Variants in SEMA3A observed in about 807,000 individuals in gnomAD.
SEMA3A encodes semaphorin-3A.
In SEMA3A, 29 loss-of-function variants were observed where a neutral mutation model predicts 97.9. That is an observed-to-expected ratio of 0.30 (90% CI 0.22 to 0.40). The LOEUF (loss-of-function observed/expected upper bound fraction) is 0.40, where lower values mean the gene tolerates loss of function less well. Ranked by LOEUF, SEMA3A falls within the 10% of genes least tolerant of loss-of-function variation. SEMA3A has a pLI of 1.00. For missense variants in SEMA3A, 763 were observed against 951.3 expected, an observed-to-expected ratio of 0.80 and a Z score of 2.60; for synonymous variants, 321 against 323.7, an observed-to-expected ratio of 0.99 and a Z score of 0.09.
chr7:84,429,439 T>C (rs902823985), intron 1 of SEMA3A, among the ~76,000 whole-genome samples: 1 of 145,008 alleles, frequency 6.9e-6, no homozygotes, highest in African/African-American at 2.6e-5. Flanking sequence ...TATATCAAAT[T>C]AACACAAAAA....
intron 3 of SEMA3A, among the ~76,000 whole-genome samples, chr7:84,304,970 A>G: frequency 6.6e-6 from 1 of 152,132 alleles, no homozygotes; most frequent in Admixed American, 6.6e-5. Context: ...GCATTTGTAT[A>G]TATTTAATCT....
At chr7:84,205,269 A>T (rs79015058) in intron 3 of SEMA3A, among the ~76,000 whole-genome samples, 2 of 152,178 alleles carry the variant, frequency 1.3e-5, no homozygotes, top group African/African-American at 4.8e-5. Context: ...TAACTACTCA[A>T]CAAGTTTTGT....
At chr7:84,474,269 C>G (rs1442133238) in intron 1 of SEMA3A, among the ~76,000 whole-genome samples, 3 of 152,152 alleles carry the variant, frequency 2.0e-5, no homozygotes, top group Non-Finnish European at 4.4e-5. Flanking sequence ...ATAGAAACTT[C>G]ACCTAGGACA....
intron 1 of SEMA3A, among the ~76,000 whole-genome samples, chr7:84,456,258 A>G (rs1395734826): frequency 6.6e-6 from 1 of 151,904 alleles, no homozygotes; most frequent in Non-Finnish European, 1.5e-5. Flanking sequence ...AACATATAGG[A>G]TGCTTCAAAT....
At chr7:84,189,406 G>A (rs1347119215) in intron 1 of SEMA3A, among the ~76,000 whole-genome samples, 4 of 151,696 alleles carry the variant, frequency 2.6e-5, no homozygotes, top group African/African-American at 9.7e-5. Context: ...GGAAGATTTT[G>A]TAAAAATCAG....
rs147789437 is a variant in SEMA3A at position 84,353,344 on chromosome 7, G to A, written c.-169+18480C>T. Reference sequence around the variant, plus strand: ...TATATATTCATACATACATAAATATGTATACCCATACACACACATCTTCCT... The same window carrying A: ...TATATATTCATACATACATAAATATATATACCCATACACACACATCTTCCT... On this transcript the variant is annotated intron_variant, in intron 2 of 3. Coordinates refer to the SEMA3A transcript ENST00000424555. Among the ~76,000 whole-genome samples the A allele has an allele frequency of 3.6e-3, 546 of 151,626 alleles. 6 individuals are homozygous for A. The highest frequency in any genetic ancestry group is 0.012 in the South Asian group (57 of 4,810).
intron 3 of SEMA3A, among the ~76,000 whole-genome samples, chr7:84,259,242 C>A (rs1442052252): frequency 2.0e-5 from 3 of 152,128 alleles, no homozygotes; most frequent in Non-Finnish European, 4.4e-5. Context: ...TACTATTTTT[C>A]AATTAATTCT....
At position 84,156,644 on chromosome 7, in the gene SEMA3A, C is replaced by T. The variant is rs144280331; in HGVS notation, c.113-21693G>A. Among the ~76,000 whole-genome samples, 233 of 152,154 alleles carry T rather than the reference C, an allele frequency of 1.5e-3. 2 individuals carry two copies. Among genetic ancestry groups the T allele is most frequent in the African/African-American group, 5.2e-3 (217 of 41,474 alleles). On this transcript the variant is annotated intron_variant, in intron 1 of 16. Transcript: ENST00000265362. ...TGGGAAAGTTTGTATGCATGCGAGT[C>T]TGTATACAGTGAAGATACACATGTC...
intron 2 of SEMA3A, among the ~76,000 whole-genome samples, chr7:84,342,263 G>A (rs549072552): frequency 1.6e-4 from 25 of 152,188 alleles, no homozygotes; most frequent in African/African-American, 5.8e-4. Flanking sequence ...TCGAACTCCC[G>A]AGCTCAGGTG....
chr7:84,159,393 T>A (rs1266627304), intron 1 of SEMA3A, among the ~76,000 whole-genome samples: 1 of 152,218 alleles, frequency 6.6e-6, no homozygotes, highest in Non-Finnish European at 1.5e-5. Context: ...TTTCCGTACC[T>A]TTTTATTTTT....
At chr7:84,452,013 TTTAA>T (rs931280828) in intron 1 of SEMA3A, among the ~76,000 whole-genome samples, 3 of 152,164 alleles carry the variant, frequency 2.0e-5, no homozygotes, top group East Asian at 1.9e-4. Flanking sequence ...GTAGCAAATA[TTTAA>T]TTGTTTGTTT....
chr7:84,092,065 T>A (rs1794620360), intron 4 of SEMA3A, among the ~76,000 whole-genome samples: 2 of 152,186 alleles, frequency 1.3e-5, no homozygotes, highest in Non-Finnish European at 2.9e-5. Context: ...AATGAATTAA[T>A]GTTATACATG....
chr7:84,164,685 T>C (rs1797145951), intron 1 of SEMA3A, among the ~76,000 whole-genome samples: 1 of 152,184 alleles, frequency 6.6e-6, no homozygotes, highest in Non-Finnish European at 1.5e-5. Flanking sequence ...ATAAATTGCA[T>C]GTAGTAAATC....
chr7:84,256,555 G>A (rs1367779536), intron 3 of SEMA3A, among the ~76,000 whole-genome samples: 8 of 152,018 alleles, frequency 5.3e-5, no homozygotes, highest in Non-Finnish European at 1.5e-5. Flanking sequence ...AAAATGATGT[G>A]ATATACTGAG....
At chr7:84,401,846 A>AT (rs1190258535) in intron 1 of SEMA3A, among the ~76,000 whole-genome samples, 1 of 152,232 alleles carries the variant, frequency 6.6e-6, no homozygotes, top group Non-Finnish European at 1.5e-5. Flanking sequence ...CTGTCATCAT[A>AT]TAAAAAATCA....
chr7:84,070,209 T>C (rs2115749105), intron 4 of SEMA3A, among the ~76,000 whole-genome samples: 1 of 152,302 alleles, frequency 6.6e-6, no homozygotes, highest in East Asian at 1.9e-4. Flanking sequence ...GAGCATATCA[T>C]ATAAGTTATT....
intron 3 of SEMA3A, among the ~76,000 whole-genome samples, chr7:84,223,968 G>A (rs1348721061): frequency 6.6e-6 from 1 of 151,832 alleles, no homozygotes; most frequent in African/African-American, 2.4e-5. Context: ...GGAAATAAAA[G>A]TGCATGGCCA....
intron 2 of SEMA3A, among the ~76,000 whole-genome samples, chr7:84,317,274 A>G (rs933913367): frequency 2.6e-5 from 4 of 152,176 alleles, no homozygotes; most frequent in African/African-American, 9.6e-5. Context: ...TTTCTCCTAC[A>G]TTTTATTTTC....
At chr7:84,356,184 T>C (rs17158924) in intron 2 of SEMA3A, among the ~76,000 whole-genome samples, 1 of 151,630 alleles carries the variant, frequency 6.6e-6, no homozygotes, top group Non-Finnish European at 1.5e-5. Context: ...TATTTTGAAA[T>C]TTTTTGGAAA....
Sources: allele counts gnomAD v4.1 joint callset (sites outside exome capture counted in the v4.1 genomes callset), GRCh38; gene constraint gnomAD v4.1.1; transcripts MANE v1.5; gene names NCBI Gene and HGNC (gene_info 2026-07-23, HGNC 2026-07-21).